ATRIP: variants seen among roughly 807,000 people sequenced by gnomAD.
ATRIP encodes the protein ATR-interacting protein.
ATRIP carries 44 observed loss-of-function variants against 78.1 expected under a neutral mutation model. The observed-to-expected ratio is 0.56, with a 90% CI of 0.44 to 0.72. The LOEUF (loss-of-function observed/expected upper bound fraction) is 0.72, where lower values mean the gene tolerates loss of function less well. Ranked by LOEUF, ATRIP falls within the 30% of genes least tolerant of loss-of-function variation. ATRIP has a pLI of 0.00. For synonymous variants in ATRIP, 388 were observed against 408.9 expected, an observed-to-expected ratio of 0.95 and a Z score of 0.62; for missense variants, 927 against 980.2, an observed-to-expected ratio of 0.95 and a Z score of 0.72.
At chr3:48,457,701 A>C (rs189187449) in intron 5 of ATRIP, among the ~76,000 whole-genome samples, 2 of 152,300 alleles carry the variant, frequency 1.3e-5, no homozygotes, top group Admixed American at 1.3e-4. Context: ...CTCTAAAGCT[A>C]GCAAATCCAG....
rs1470977164 is a variant in ATRIP at position 48,446,923 on chromosome 3, C to T, written c.78C>T (p.Thr26=). 7.1e-7 allele frequency: 1 copy of T among 1,415,702 alleles called. No homozygotes were observed. The highest frequency in any genetic ancestry group is 1.6e-5 in the South Asian group (1 of 61,296). 87.7% of individuals were successfully genotyped at this position (1,415,702 alleles called of 1,614,324 possible). A position where few individuals can be genotyped will look rare whatever the true frequency, so the allele number is the denominator to read the frequency against. ...PAPRPGPPPG[T]GHPPSKRARG... ...CTCGCCCCGGCCCGCCGCCGGGCAC[C>T]GGGCACCCCCCGAGCAAGCGGGCCC... The change falls in exon 1 of 13, where the codon ACC becomes ACT. Residue 26 remains threonine (T), a synonymous_variant. Coordinates refer to ENST00000320211, the MANE Select transcript of ATRIP (RefSeq NM_130384.3).
intron 4 of ATRIP, among the ~76,000 whole-genome samples, chr3:48,456,645 G>A: frequency 6.6e-6 from 1 of 151,254 alleles, no homozygotes; most frequent in Non-Finnish European, 1.5e-5. Flanking sequence ...ATGTGTGCCT[G>A]TAATCCCAGC....
intron 2 of ATRIP, 26 bp downstream of exon 2, chr3:48,450,196 G>A (rs1416518813): frequency 6.3e-7 from 1 of 1,596,936 alleles, no homozygotes; most frequent in Non-Finnish European, 8.5e-7. Flanking sequence ...TGTGGTTTTT[G>A]TAGCTAATTC....
intron 4 of ATRIP, 85 bp from the exon 5 acceptor site, chr3:48,457,174 A>G: frequency 7.6e-7 from 1 of 1,312,990 alleles, no homozygotes; most frequent in East Asian, 2.6e-5. Flanking sequence ...TGAAAAGTTT[A>G]AAGTTTGTTA....
Position 48,459,926 on chromosome 3 carries a change from A to G in ATRIP, c.1055+10A>G, listed in dbSNP as rs1353743862. The G allele has an allele frequency of 6.2e-7, 1 of 1,603,524 alleles. No individual in the cohort carries two copies. Among genetic ancestry groups the G allele is most frequent in the Admixed American group, 1.8e-5 (1 of 56,316 alleles). ...CACCAGGGTTTGGCAGGTAAGCATA[A>G]GACTCCTGGAAAGCTTGTTTGGGAA... is the stretch of plus-strand genomic sequence containing the variant. On this transcript the variant is annotated intron_variant, in intron 7 of 12. Coordinates refer to ENST00000320211, the MANE Select transcript of ATRIP (RefSeq NM_130384.3).
intron 1 of ATRIP, chr3:48,447,532 G>A: frequency 1.0e-6 from 1 of 987,960 alleles, no homozygotes; most frequent in Non-Finnish European, 1.2e-6. Context: ...GGCAAGAGAT[G>A]AAATAAATTT....
chr3:48,454,871 T>TC (rs2039916468), intron 4 of ATRIP, among the ~76,000 whole-genome samples: 1 of 40,776 alleles, frequency 2.5e-5, no homozygotes, highest in Non-Finnish European at 7.2e-5. Flanking sequence ...TTTTTTTTTC[T>TC]TTTTTTTTTG....
At position 48,450,118 on chromosome 3, in the gene ATRIP, A is replaced by G. The variant is rs1317138632; in HGVS notation, c.329A>G (p.Asp110Gly). 5 of 1,613,278 alleles carry G rather than the reference A, an allele frequency of 3.1e-6. No individual in the cohort carries two copies. ...GKNRETVPIKDNFELEVLQAQ... is the reference protein window; with the variant it reads ...GKNRETVPIKGNFELEVLQAQ... ...AACAGAGAAACTGTTCCAATTAAAG[A>G]TAATTTCGAATTAGAGGTACTTCAG... is the stretch of plus-strand genomic sequence containing the variant. Residue 110 changes from aspartate to glycine, a missense_variant, in exon 2 of 13, where the codon GAT (aspartate) becomes GGT (glycine). Transcript: ENST00000320211.
At chr3:48,462,489 G>T (rs979414221) in intron 8 of ATRIP, among the ~76,000 whole-genome samples, 4 of 152,170 alleles carry the variant, frequency 2.6e-5, no homozygotes, top group Non-Finnish European at 4.4e-5. Context: ...GGATCACGAG[G>T]TCAGGAGATC....
At position 48,466,878 on chromosome 3, in the gene ATRIP, A is replaced by AAGGCCTGC. The variant is rs953189827; in HGVS notation, c.*1327_*1334dup. On this transcript the variant is annotated 3_prime_UTR_variant, in exon 13 of 13. Transcript: ENST00000320211. ...GCTCTCCCTGTGTGTGGCTCCGGGG[A>AAGGCCTGC]AGGCCTGCAGCCCTGCAGCCAGCGA... The AAGGCCTGC allele has an allele frequency of 1.2e-6, 2 of 1,613,162 alleles. No individual in the cohort carries two copies. Among genetic ancestry groups the AAGGCCTGC allele is most frequent in the African/African-American group, 1.3e-5 (1 of 75,026 alleles).
At chr3:48,463,059 G>A (rs1373155272) in intron 8 of ATRIP, among the ~76,000 whole-genome samples, 2 of 152,178 alleles carry the variant, frequency 1.3e-5, no homozygotes, top group Non-Finnish European at 2.9e-5. Flanking sequence ...ACCCCATAGA[G>A]TGTTTCAGAA....
chr3:48,467,277 T>A lies in ATRIP; in HGVS notation c.*1723T>A. 6.2e-7 allele frequency: 1 copy of A among 1,614,180 alleles called. No homozygotes were observed. Among genetic ancestry groups the A allele is most frequent in the East Asian group, 2.2e-5 (1 of 44,886 alleles). ...TGATGTCCTGGCCCTGCTCAGCATC[T>A]GTCAGTGGAGACCACAGGCCCTGCT... On this transcript the variant is annotated 3_prime_UTR_variant, in exon 13 of 13. Coordinates refer to ENST00000320211, the MANE Select transcript of ATRIP (RefSeq NM_130384.3).
chr3:48,463,993 CTT>C (rs1324528028), intron 9 of ATRIP, 46 bp from the exon 10 acceptor site: 2 of 1,606,538 alleles, frequency 1.2e-6, no homozygotes, highest in Middle Eastern at 1.9e-4. Flanking sequence ...AGCCCACGCT[CTT>C]TATGAGAAAG....
chr3:48,447,104 T>C lies in ATRIP; in HGVS notation c.247+12T>C. The C allele has an allele frequency of 6.6e-7, 1 of 1,506,856 alleles. No homozygotes were observed. Among genetic ancestry groups the C allele is most frequent in the Non-Finnish European group, 8.9e-7 (1 of 1,125,946 alleles). The allele number at this position is 1,506,856 out of a possible 1,614,324, so 93.3% of individuals were successfully genotyped here. Reference sequence around the variant, plus strand: ...TCGGGACGTGTCCAGTGAGTGCTCCTCGCGGCCTTTTGCTCGGAGGGAGTT... The same window carrying C: ...TCGGGACGTGTCCAGTGAGTGCTCCCCGCGGCCTTTTGCTCGGAGGGAGTT... On this transcript the variant is annotated intron_variant, in intron 1 of 12. Coordinates refer to ENST00000320211, the MANE Select transcript of ATRIP (RefSeq NM_130384.3).
Position 48,464,997 on chromosome 3 carries a change from G to A in ATRIP, c.2222G>A (p.Cys741Tyr), listed in dbSNP as rs1375680742. Residue 741 changes from cysteine (C) to tyrosine (Y), a missense_variant, in exon 12 of 13, where the codon TGC (cysteine) becomes TAC (tyrosine). By Grantham distance (194) the Cys-to-Tyr change is radical. Transcript: ENST00000320211. ...SQKDKLFMMHCVEVLHQFDQV... is the reference protein window; with the variant it reads ...SQKDKLFMMHYVEVLHQFDQV... The stretch of plus-strand genomic sequence containing the variant: ...AAGGACAAGCTCTTCATGATGCACT[G>A]CGTGGAGGTCCTGCATCAGTTTGAC... 2 of 1,613,990 alleles carry A rather than the reference G, an allele frequency of 1.2e-6. No homozygotes were observed. Among genetic ancestry groups the A allele is most frequent in the Admixed American group, 1.7e-5 (1 of 60,012 alleles).
chr3:48,454,761 T>A (rs2039913951), intron 4 of ATRIP, among the ~76,000 whole-genome samples: 2 of 152,224 alleles, frequency 1.3e-5, no homozygotes, highest in Non-Finnish European at 2.9e-5. Context: ...AGCATGGGTG[T>A]ATTTTAGTTC....
At chr3:48,456,280 T>TA (rs1039415964) in intron 4 of ATRIP, among the ~76,000 whole-genome samples, 10 of 147,596 alleles carry the variant, frequency 6.8e-5, no homozygotes, top group Middle Eastern at 3.6e-3. Context: ...CATTGCTACT[T>TA]AAAAAAAAAA....
In ATRIP at chr3:48,463,770, C is replaced by T; in HGVS notation, c.1771C>T (p.Pro591Ser). 1 of 1,614,142 alleles carries T rather than the reference C, an allele frequency of 6.2e-7. No homozygotes were observed. ...PRFQCVFQVL[P>S]KCLSPETPLP... Reference sequence around the variant, plus strand: ...GTTCCAGTGTGTGTTCCAAGTGCTGCCAAAGTGCCTCAGCCCAGAGACACC... The same window carrying T: ...GTTCCAGTGTGTGTTCCAAGTGCTGTCAAAGTGCCTCAGCCCAGAGACACC... The change falls in exon 9 of 13, where the codon CCA becomes TCA. Residue 591 changes from proline (P) to serine (S), a missense_variant. Pro to Ser is a moderately conservative substitution (Grantham distance 74, BLOSUM62 -1). Coordinates refer to ENST00000320211, the MANE Select transcript of ATRIP (RefSeq NM_130384.3).
chr3:48,464,914 G>A lies in ATRIP; in HGVS notation c.2139G>A (p.Gln713=), dbSNP rs1286618748. The change falls in exon 12 of 13, where the codon CAG becomes CAA. Residue 713 remains glutamine (Q), a synonymous_variant. Coordinates refer to ENST00000320211, the MANE Select transcript of ATRIP (RefSeq NM_130384.3). ...RAGGPPRTDQ[Q]RRTVRCLRDT... is the part of the protein sequence containing the mutation. ...GGGGACCCCCAAGGACCGACCAGCA[G>A]AGGCGGACAGTGCGCTGTCTGCGGG... 4 of 1,614,168 alleles carry A rather than the reference G, an allele frequency of 2.5e-6. No individual in the cohort carries two copies. The highest frequency in any genetic ancestry group is 3.4e-6 in the Non-Finnish European group (4 of 1,180,036).
Sources: allele counts gnomAD v4.1 joint callset (sites outside exome capture counted in the v4.1 genomes callset), GRCh38; gene constraint gnomAD v4.1.1; transcripts MANE v1.5; gene names NCBI Gene and HGNC (gene_info 2026-07-23, HGNC 2026-07-21).